ARHGEF37: variants seen among roughly 807,000 people sequenced by gnomAD.
The protein encoded by ARHGEF37 is Rho guanine nucleotide exchange factor (GEF) 37.
Under a neutral mutation model 71.1 loss-of-function variants are expected in ARHGEF37, and 55 were observed. The observed-to-expected ratio is 0.77, with a 90% CI of 0.62 to 0.97. ARHGEF37 has a LOEUF of 0.97. Ranked by LOEUF, ARHGEF37 falls within the 50% of genes least tolerant of loss-of-function variation. ARHGEF37 has a pLI of 0.00. For synonymous variants in ARHGEF37, 327 were observed against 350.6 expected, an observed-to-expected ratio of 0.93 and a Z score of 0.75; for missense variants, 765 against 836.8, an observed-to-expected ratio of 0.91 and a Z score of 1.06.
chr5:149,566,530 AAAC>A (rs373411073), intron 1 of ARHGEF37, among the ~76,000 whole-genome samples: 13 of 135,660 alleles, frequency 9.6e-5, no homozygotes, highest in Non-Finnish European at 1.6e-4. Context: ...AAAACCAACC[AAAC>A]AACAACAACA....
intron 1 of ARHGEF37, among the ~76,000 whole-genome samples, chr5:149,594,703 G>A (rs1763499050): frequency 6.6e-6 from 1 of 152,154 alleles, no homozygotes; most frequent in Non-Finnish European, 1.5e-5. Context: ...AGCACGCTGA[G>A]CACAAGGTTA....
rs1421802936 is a variant in ARHGEF37 at position 149,630,001 on chromosome 5, A to C, written c.1818+1035A>C. ...AGAATGGGCAAATCCGTAGAGATAGAAGGTGGATGAATGGCAGGGGCTGGG... is the reference window on the plus strand; with the variant it reads ...AGAATGGGCAAATCCGTAGAGATAGCAGGTGGATGAATGGCAGGGGCTGGG... On this transcript the variant is annotated intron_variant, in intron 12 of 12. Coordinates refer to ENST00000333677, the MANE Select transcript of ARHGEF37 (RefSeq NM_001001669.3). 2.0e-5 allele frequency among the ~76,000 whole-genome samples: 3 copies of C among 151,176 alleles called. No individual in the cohort carries two copies. In the East Asian group the frequency reaches 5.9e-4, roughly 30 times the overall value.
chr5:149,580,875 C>T (rs929654992), upstream of ARHGEF37, among the ~76,000 whole-genome samples: 6 of 152,192 alleles, frequency 3.9e-5, no homozygotes, highest in African/African-American at 1.4e-4. Flanking sequence ...TTCATAGCAA[C>T]TATCACTTTC....
upstream of ARHGEF37, among the ~76,000 whole-genome samples, chr5:149,579,549 G>C (rs368620324): frequency 5.3e-5 from 8 of 152,196 alleles, no homozygotes; most frequent in African/African-American, 1.9e-4. Context: ...TTTAGTGACA[G>C]GATATGCTCT....
At chr5:149,614,915 AAGG>A (rs1752331525) in intron 4 of ARHGEF37, among the ~76,000 whole-genome samples, 1 of 152,160 alleles carries the variant, frequency 6.6e-6, no homozygotes, top group Non-Finnish European at 1.5e-5. Context: ...TTGAGTCTTC[AAGG>A]AGAAGGCACA....
At chr5:149,583,321 G>A (rs1480952763) in intron 1 of ARHGEF37, among the ~76,000 whole-genome samples, 2 of 152,188 alleles carry the variant, frequency 1.3e-5, no homozygotes, top group African/African-American at 4.8e-5. Flanking sequence ...TATTTTAGTA[G>A]AGATGGGGTT....
rs201632067 is a variant in ARHGEF37 at position 149,627,196 on chromosome 5, C to T, written c.1585C>T (p.Arg529Trp). 4.2e-5 allele frequency: 68 copies of T among 1,613,986 alleles called. No homozygotes were observed. The highest frequency in any genetic ancestry group is 5.1e-5 in the Non-Finnish European group (60 of 1,180,050). ...TGGGACTCTGGACCTGACTCTGCCT[C>T]GGGGCCAAATCGTGGCCATCCTTCA... is the stretch of plus-strand genomic sequence containing the variant. ...GTGTLDLTLP[R>W]GQIVAILQNK... The change falls in exon 11 of 13, where the codon CGG becomes TGG. Residue 529 changes from arginine (R) to tryptophan (W), a missense_variant. By Grantham distance (101) the Arg-to-Trp change is moderately radical (BLOSUM62 -3). Around this residue, in one of 5 missense-constraint regions of ARHGEF37, gnomAD observed 390 missense variants for 407.4 expected, o/e 0.96. Transcript: ENST00000333677.
intron 1 of ARHGEF37, among the ~76,000 whole-genome samples, chr5:149,561,983 C>G (rs1762838466): frequency 6.6e-6 from 1 of 152,198 alleles, no homozygotes; most frequent in Non-Finnish European, 1.5e-5. Context: ...AGTAATCTAA[C>G]TCTTCTTTGT....
chr5:149,626,931 G>A (rs1290144758), intron 10 of ARHGEF37, 145 bp from the exon 11 acceptor site: 3 of 737,488 alleles, frequency 4.1e-6, no homozygotes, highest in East Asian at 2.7e-5. Context: ...TGAGGGCCCT[G>A]TTGCCCTGAT....
In ARHGEF37 at chr5:149,609,705, A is replaced by G. The variant is rs1424271132; in HGVS notation, c.458+10A>G. 1.2e-6 allele frequency: 2 copies of G among 1,612,112 alleles called. No individual in the cohort carries two copies. The highest frequency in any genetic ancestry group is 1.7e-6 in the Non-Finnish European group (2 of 1,179,972). On this transcript the variant is annotated intron_variant, in intron 4 of 12. Transcript: ENST00000333677. ...TCGTTGAGGCGGTGGTGTGAGTAGAACGGCCAGTGAGCACTCGCTCCTACC... is the reference window on the plus strand; with the variant it reads ...TCGTTGAGGCGGTGGTGTGAGTAGAGCGGCCAGTGAGCACTCGCTCCTACC...
At chr5:149,619,141 C>A in intron 7 of ARHGEF37, 99 bp downstream of exon 7, 1 of 941,028 alleles carries the variant, frequency 1.1e-6, no homozygotes, top group Non-Finnish European at 1.7e-6. Context: ...AGGCACCAGC[C>A]TCAGAAACCA....
At chr5:149,611,111 G>T (rs1403371753) in intron 4 of ARHGEF37, among the ~76,000 whole-genome samples, 1 of 152,146 alleles carries the variant, frequency 6.6e-6, no homozygotes, top group Non-Finnish European at 1.5e-5. Flanking sequence ...TCACATCATG[G>T]TCTCATGGTT....
At chr5:149,561,655 G>C (rs989666131) in intron 1 of ARHGEF37, among the ~76,000 whole-genome samples, 1 of 152,136 alleles carries the variant, frequency 6.6e-6, no homozygotes, top group Non-Finnish European at 1.5e-5. Context: ...ACTAAATGCT[G>C]CATTTCGCCT....
intron 1 of ARHGEF37, among the ~76,000 whole-genome samples, chr5:149,573,113 A>G (rs1337907484): frequency 6.6e-6 from 1 of 152,144 alleles, no homozygotes; most frequent in Non-Finnish European, 1.5e-5. Flanking sequence ...TCTCACAGGA[A>G]CTAATCCATT....
intron 1 of ARHGEF37, among the ~76,000 whole-genome samples, chr5:149,561,133 C>T (rs888887271): frequency 3.9e-5 from 6 of 151,958 alleles, no homozygotes; most frequent in Admixed American, 6.6e-5. Flanking sequence ...ATTTGCTGGG[C>T]GTGGTGGCAA....
chr5:149,586,453 G>A (rs574976984), intron 1 of ARHGEF37, among the ~76,000 whole-genome samples: 1 of 152,260 alleles, frequency 6.6e-6, no homozygotes, highest in African/African-American at 2.4e-5. Context: ...AGTAGAGATG[G>A]GTTTTCACCA....
At chr5:149,556,255 G>A (rs1423162650) in intron 1 of ARHGEF37, among the ~76,000 whole-genome samples, 3 of 152,176 alleles carry the variant, frequency 2.0e-5, no homozygotes, top group Admixed American at 6.5e-5. Context: ...GTACAGTGGC[G>A]CGATCTCAGC....
chr5:149,551,955 A>G (rs1323589490), exon 1 of ARHGEF37: 1 of 152,200 alleles, frequency 6.6e-6, no homozygotes, highest in African/African-American at 2.4e-5. Flanking sequence ...CGGTTGTAGC[A>G]GAGCCTAGCT....
In ARHGEF37 at chr5:149,622,334, A is replaced by C. The variant is rs77489920; in HGVS notation, c.1335+272A>C. ...CTCAGAAGCAGAAGAAGCTTTGCTC[A>C]TACAATGGCAGATCTTGGGACTGAT... On this transcript the variant is annotated intron_variant, in intron 9 of 12. Coordinates refer to ENST00000333677, the MANE Select transcript of ARHGEF37 (RefSeq NM_001001669.3). Among the ~76,000 whole-genome samples the C allele has an allele frequency of 2.6e-5, 4 of 152,338 alleles. No homozygotes were observed. In the South Asian group the frequency reaches 8.3e-4, roughly 32 times the overall value.
Sources: allele counts gnomAD v4.1 joint callset (sites outside exome capture counted in the v4.1 genomes callset), GRCh38; gene constraint gnomAD v4.1.1; regional missense constraint gnomAD v4.1.1; transcripts MANE v1.5; gene names NCBI Gene and HGNC (gene_info 2026-07-23, HGNC 2026-07-21).